The following ACSL3 variants were observed in gnomAD, a reference collection of about 807,000 sequenced individuals.
ACSL3 encodes acyl-CoA synthetase long chain family member 3, also known as fatty acid CoA ligase Acsl3.
A neutral mutation model predicts 84.7 loss-of-function variants in ACSL3; 34 were observed. The observed-to-expected ratio is 0.40, with a 90% confidence interval of 0.31 to 0.53. The LOEUF is 0.53. Ranked by LOEUF, ACSL3 falls within the 20% of genes least tolerant of loss-of-function variation. The pLI, the probability that ACSL3 is intolerant of heterozygous loss-of-function variation, is 0.48. For synonymous variants in ACSL3, 315 were observed against 299.4 expected (o/e 1.05, Z -0.54); for missense variants, 680 against 873.1 (o/e 0.78, Z 2.79).
At chr2:222,872,298 G>A (rs1695325705) in intron 1 of ACSL3, among the ~76,000 whole-genome samples, 1 of 151,904 alleles carries the variant, frequency 6.6e-6, no homozygotes, top group African/African-American at 2.4e-5. Flanking sequence ...CTAATTTTTT[G>A]TATTTTTAGT....
At chr2:222,931,380 C>T (rs1220283539) in intron 14 of ACSL3, among the ~76,000 whole-genome samples, 1 of 150,562 alleles carries the variant, frequency 6.6e-6, no homozygotes, top group African/African-American at 2.5e-5. Context: ...CGACACTGCA[C>T]TCCAACCTGG....
At chr2:222,893,732 G>T (rs1431695813) in intron 2 of ACSL3, among the ~76,000 whole-genome samples, 1 of 143,680 alleles carries the variant, frequency 7.0e-6, no homozygotes. Context: ...CCCTTCCCCC[G>T]CTTTCCGCCT....
chr2:222,930,497 C>T (rs982728796), intron 13 of ACSL3, 124 bp from the exon 14 acceptor site: 1 of 748,374 alleles, frequency 1.3e-6, no homozygotes, highest in African/African-American at 1.8e-5. Flanking sequence ...TTCATAGTGT[C>T]TGCCTTTTTT....
chr2:222,931,427 A>AT (rs55641589), intron 14 of ACSL3, among the ~76,000 whole-genome samples: 1 of 151,202 alleles, frequency 6.6e-6, no homozygotes, highest in African/African-American at 2.4e-5. Flanking sequence ...AAAAAAAAAA[A>AT]GTTAATGGCA....
chr2:222,894,462 TTA>T (rs1223952778), intron 2 of ACSL3, among the ~76,000 whole-genome samples: 1 of 152,270 alleles, frequency 6.6e-6, no homozygotes, highest in African/African-American at 2.4e-5. Context: ...ACCTAGCTAT[TTA>T]TCACACAATT....
chr2:222,917,923 T>C (rs772489975), intron 5 of ACSL3, 123 bp from the exon 6 acceptor site: 31 of 648,400 alleles, frequency 4.8e-5, no homozygotes, highest in South Asian at 8.4e-5. Context: ...ATAACACTTA[T>C]AGACTGTGGA....
intron 3 of ACSL3, among the ~76,000 whole-genome samples, chr2:222,907,947 G>C (rs566743298): frequency 2.8e-4 from 42 of 151,800 alleles, no homozygotes; most frequent in Non-Finnish European, 4.3e-4. Flanking sequence ...TCCTTACCTG[G>C]GTTTATTTTC....
intron 16 of ACSL3, 82 bp downstream of exon 16, chr2:222,934,769 G>A (rs536417257): frequency 2.1e-6 from 3 of 1,423,076 alleles, no homozygotes; most frequent in South Asian, 1.4e-5. Context: ...TAAGGTTTAG[G>A]GTTCATTACT....
intron 8 of ACSL3, 139 bp from the exon 9 acceptor site, chr2:222,922,569 T>TCTCTCTCA: frequency 9.8e-7 from 1 of 1,023,500 alleles, no homozygotes; most frequent in Non-Finnish European, 1.4e-6. Flanking sequence ...TCTCTCTCTC[T>TCTCTCTCA]CACAAACACA....
Position 222,934,654 on chromosome 2 carries a change from G to A in ACSL3, c.1972G>A (p.Val658Ile). Reference protein sequence around the residue: ...LCNSCEMENEVLKVLSEAAIS... With the variant: ...LCNSCEMENEILKVLSEAAIS... ...TAACAGTTGTGAAATGGAAAATGAG[G>A]TACTTAAAGTGCTTTCCGAAGCTGC... Residue 658 changes from valine to isoleucine, a missense_variant, in exon 16 of 17, where the codon GTA becomes ATA. By Grantham distance (29) the Val-to-Ile change is conservative (BLOSUM62 3). Transcript: ENST00000357430. The A allele has an allele frequency of 6.2e-7, 1 of 1,608,180 alleles. No individual in the cohort carries two copies. Among genetic ancestry groups the A allele is most frequent in the Non-Finnish European group, 8.5e-7 (1 of 1,178,136 alleles).
rs529959340 is a variant in ACSL3 at position 222,909,093 on chromosome 2, A to G, written c.321A>G (p.Thr107=). 1 of 1,604,898 alleles carries G rather than the reference A, an allele frequency of 6.2e-7. No homozygotes were observed. The highest frequency in any genetic ancestry group is 1.7e-5 in the Admixed American group (1 of 57,190). Residue 107 remains threonine (T), a synonymous_variant, in exon 4 of 17, where the codon ACA becomes ACG. Transcript: ENST00000357430. Reference sequence around the variant, plus strand: ...TTAAGAACAAAAGACTCTTGGGAACACGTGAAGTTTTAAATGAGGAAGATG... The same window carrying G: ...TTAAGAACAAAAGACTCTTGGGAACGCGTGAAGTTTTAAATGAGGAAGATG... The part of the protein sequence containing the change: ...NKFKNKRLLG[T]REVLNEEDEV...
intron 6 of ACSL3, 134 bp downstream of exon 6, chr2:222,918,289 T>C (rs915594198): frequency 4.3e-6 from 2 of 469,384 alleles, no homozygotes; most frequent in Non-Finnish European, 7.4e-6. Flanking sequence ...TATCATACTT[T>C]ATTTTTTCCT....
intron 1 of ACSL3, among the ~76,000 whole-genome samples, chr2:222,865,967 C>A (rs1255090048): frequency 2.0e-5 from 3 of 152,208 alleles, no homozygotes; most frequent in African/African-American, 7.2e-5. Context: ...CTGTCATGGT[C>A]AACTTTTCTG....
Position 222,928,005 on chromosome 2 carries a change from C to T in ACSL3, c.1465+816C>T, listed in dbSNP as rs192355049. ...AAATACATGCATAGGGGATTTCTTT[C>T]TTCTGAGGATCCTTAATTTCTTCTA... On this transcript the variant is annotated intron_variant, in intron 12 of 16. Transcript: ENST00000357430. Among the ~76,000 whole-genome samples, 6 of 152,246 alleles carry T rather than the reference C, an allele frequency of 3.9e-5. No homozygotes were observed. In the East Asian group the frequency reaches 9.7e-4, roughly 24 times the overall value.
intron 16 of ACSL3, among the ~76,000 whole-genome samples, chr2:222,938,042 T>C (rs1402845028): frequency 6.6e-6 from 1 of 152,156 alleles, no homozygotes; most frequent in Non-Finnish European, 1.5e-5. Flanking sequence ...GATAGCAGCT[T>C]AATCTTCCGT....
intron 16 of ACSL3, 93 bp from the exon 17 acceptor site, chr2:222,941,404 C>T: frequency 2.0e-6 from 2 of 1,000,020 alleles, no homozygotes; most frequent in Non-Finnish European, 1.4e-6. Context: ...GTTGGTTGTG[C>T]ATTTTGATGG....
chr2:222,928,926 C>T lies in ACSL3; in HGVS notation c.1530C>T (p.Asn510=), dbSNP rs201807225. The change falls in exon 13 of 17, where the codon AAC becomes AAT. Residue 510 remains asparagine, a synonymous_variant. Coordinates refer to ENST00000357430, the MANE Select transcript of ACSL3 (RefSeq NM_004457.5). ...TTTGCTGTGAAATCAAATTAAAAAA[C>T]TGGGAGGAAGGTAATAAACTATTTT... ...PLVCCEIKLK[N]WEEGGYFNTD... The T allele has an allele frequency of 4.0e-5, 64 of 1,612,970 alleles. No homozygotes were observed. Among genetic ancestry groups the T allele is most frequent in the Non-Finnish European group, 4.9e-5 (58 of 1,179,296 alleles).
In ACSL3 at chr2:222,928,718, T is replaced by C. The variant is rs918094279; in HGVS notation, c.1466-144T>C. 10 of 726,058 alleles carry C rather than the reference T, an allele frequency of 1.4e-5. No individual in the cohort carries two copies. The Admixed American group carries it at 1.5e-4, about 11-fold the overall frequency. The allele number at this position is 726,058 out of a possible 1,614,324, so 45.0% of individuals were successfully genotyped here. A position where few individuals can be genotyped will look rare whatever the true frequency, so the allele number is the denominator to read the frequency against. ...ACTCTACAGGCCTCACGGCCTGTGC[T>C]TCACCAATATGTGACTTCTGCTTTT... On this transcript the variant is annotated intron_variant, in intron 12 of 16. Coordinates refer to ENST00000357430, the MANE Select transcript of ACSL3 (RefSeq NM_004457.5).
intron 1 of ACSL3, among the ~76,000 whole-genome samples, chr2:222,874,592 G>A (rs1695398008): frequency 6.6e-6 from 1 of 151,594 alleles, no homozygotes; most frequent in South Asian, 2.1e-4. Flanking sequence ...AGGATTATTT[G>A]AGCCTGGGAG....
Sources: gnomAD v4.1 joint callset for allele counts (sites outside exome capture counted in the v4.1 genomes callset) on GRCh38, gnomAD v4.1.1 for gene constraint, MANE v1.5 for transcripts, NCBI Gene and HGNC (gene_info 2026-07-23, HGNC 2026-07-21) for gene names.